Variants in VWF observed in about 807,000 individuals in gnomAD.
VWF encodes von Willebrand factor, also known as Factor VIII related antigen.
In VWF, 176 loss-of-function variants were observed where a neutral mutation model predicts 308.6. The observed-to-expected ratio is 0.57, with a 90% CI of 0.50 to 0.65. The LOEUF is 0.65. Among genes scored for constraint, VWF ranks in the 30% least tolerant of loss-of-function variants. The pLI is 0.00. For synonymous variants in VWF, 1,385 were observed against 1,443.4 expected (o/e 0.96, Z 0.92); for missense variants, 3,146 against 3,648.2 (o/e 0.86, Z 3.55).
chr12:5,987,700 G>A (rs1943694666), intron 38 of VWF, among the ~76,000 whole-genome samples: 1 of 152,248 alleles, frequency 6.6e-6, no homozygotes, highest in South Asian at 2.1e-4. Flanking sequence ...CATCATGGAT[G>A]AATCCCAAAA....
chr12:6,035,528 C>A (rs1223336379), intron 19 of VWF, among the ~76,000 whole-genome samples: 1 of 152,130 alleles, frequency 6.6e-6, no homozygotes, highest in Admixed American at 6.5e-5. Flanking sequence ...AGGCTGTGCA[C>A]AGCCACCAAG....
chr12:5,962,538 C>A (rs370056753), intron 47 of VWF, among the ~76,000 whole-genome samples: 1 of 101,600 alleles, frequency 9.8e-6, no homozygotes, highest in African/African-American at 3.8e-5. Flanking sequence ...ACAGGCAATT[C>A]TTTTTTTTTT....
At chr12:6,061,425 C>G (rs1591893015) in intron 13 of VWF, among the ~76,000 whole-genome samples, 1 of 151,222 alleles carries the variant, frequency 6.6e-6, no homozygotes, top group East Asian at 1.9e-4. Flanking sequence ...ATCTCCCAGA[C>G]CTTCCTGCTT....
chr12:5,991,673 A>G, intron 38 of VWF, 146 bp downstream of exon 38: 2 of 826,340 alleles, frequency 2.4e-6, no homozygotes, highest in East Asian at 2.6e-5. Context: ...AGGCCATTAC[A>G]CAATACTGCC....
chr12:5,993,153 C>G (rs1323793527), intron 37 of VWF, among the ~76,000 whole-genome samples: 1 of 152,116 alleles, frequency 6.6e-6, no homozygotes, highest in African/African-American at 2.4e-5. Context: ...CAGGCATGTA[C>G]ATATTGATTT....
chr12:6,112,584 C>A (rs967022206), intron 3 of VWF, among the ~76,000 whole-genome samples: 2 of 152,154 alleles, frequency 1.3e-5, no homozygotes, highest in African/African-American at 4.8e-5. Flanking sequence ...TAAAAATGAG[C>A]AAATCTCTCT....
intron 5 of VWF, among the ~76,000 whole-genome samples, chr12:6,102,733 C>CA (rs56767737): frequency 1.6e-3 from 175 of 111,582 alleles, no homozygotes; most frequent in Middle Eastern, 5.5e-3. Context: ...GACTCCGTCT[C>CA]AAAAAAAAAA....
rs754853953 is a variant in VWF, at chr12:5,981,833, C to T, written c.7240G>A (p.Ala2414Thr). Residue 2414 changes from alanine (A) to threonine (T), a missense_variant, in exon 42 of 52, where the codon GCC becomes ACC. Ala to Thr is a moderately conservative substitution (Grantham distance 58). Coordinates refer to ENST00000261405, the MANE Select transcript of VWF (RefSeq NM_000552.5). The stretch of plus-strand genomic sequence containing the variant: ...GTGGTACAGCCACAGTCATTGGTGG[C>T]AGTTGAGGCCAAGTACCCAAGGGGA... ...SCPLGYLASTATNDCGCTTTT... is the reference protein window; with the variant it reads ...SCPLGYLASTTTNDCGCTTTT... The T allele has an allele frequency of 6.8e-6, 11 of 1,613,456 alleles. No homozygotes were observed. Among genetic ancestry groups the T allele is most frequent in the Middle Eastern group, 1.6e-4 (1 of 6,080 alleles).
At chr12:6,040,755 T>C (rs576552104) in intron 18 of VWF, among the ~76,000 whole-genome samples, 1 of 152,212 alleles carries the variant, frequency 6.6e-6, no homozygotes, top group Non-Finnish European at 1.5e-5. Flanking sequence ...CTTTGCACGA[T>C]GGCAGGAGCA....
At chr12:6,082,747 A>G (rs1944927746) in intron 6 of VWF, among the ~76,000 whole-genome samples, 1 of 152,192 alleles carries the variant, frequency 6.6e-6, no homozygotes, top group African/African-American at 2.4e-5. Context: ...AGTCTCTCTG[A>G]GCCTGTTCTG....
intron 44 of VWF, among the ~76,000 whole-genome samples, chr12:5,969,805 C>T (rs542351519): frequency 6.6e-6 from 1 of 152,294 alleles, no homozygotes; most frequent in East Asian, 1.9e-4. Flanking sequence ...GGCAGAAGCC[C>T]GGGAAGGCTG....
chr12:6,121,161 G>C lies in VWF; in HGVS notation c.220+13C>G. The C allele has an allele frequency of 6.2e-7, 1 of 1,614,078 alleles. No homozygotes were observed. The highest frequency in any genetic ancestry group is 8.5e-7 in the Non-Finnish European group (1 of 1,180,002). ...CTCCCTCTGAAGTCCTCCCTGCAGT[G>C]CCCAGAACTCACCAATAATCGAGAA... On this transcript the variant is annotated intron_variant, in intron 3 of 51. Coordinates refer to ENST00000261405, the MANE Select transcript of VWF (RefSeq NM_000552.5).
chr12:6,094,495 A>G (rs1433552442), intron 6 of VWF, among the ~76,000 whole-genome samples: 1 of 152,212 alleles, frequency 6.6e-6, no homozygotes, highest in Non-Finnish European at 1.5e-5. Context: ...TGGGGACAAA[A>G]GAGGGCACTG....
chr12:6,035,302 G>A (rs932131998), intron 19 of VWF, among the ~76,000 whole-genome samples: 2 of 152,212 alleles, frequency 1.3e-5, no homozygotes, highest in Non-Finnish European at 2.9e-5. Context: ...ACGCACTTCT[G>A]CCAGGAGCAG....
rs1349580301 is a variant in VWF at position 5,952,531 on chromosome 12, G to A, written c.7987-12C>T. 3 of 1,612,954 alleles carry A rather than the reference G, an allele frequency of 1.9e-6. No homozygotes were observed. The highest frequency in any genetic ancestry group is 1.3e-5 in the African/African-American group (1 of 74,926). On this transcript the variant is annotated splice_polypyrimidine_tract_variant and intron_variant, in intron 48 of 51. Transcript: ENST00000261405. Reference sequence around the variant, plus strand: ...AGCGTCTCATCACGCTGGAAGGAAAGAGGAGTGGGTAAAGTCAGAGACAGT... The same window carrying A: ...AGCGTCTCATCACGCTGGAAGGAAAAAGGAGTGGGTAAAGTCAGAGACAGT...
intron 47 of VWF, among the ~76,000 whole-genome samples, chr12:5,956,922 T>C (rs1242665300): frequency 6.6e-6 from 1 of 152,216 alleles, no homozygotes; most frequent in Non-Finnish European, 1.5e-5. Flanking sequence ...TATAGCAATG[T>C]CCTAGGTCTT....
At chr12:6,100,522 GA>G (rs1945151121) in intron 5 of VWF, among the ~76,000 whole-genome samples, 1 of 151,590 alleles carries the variant, frequency 6.6e-6, no homozygotes, top group South Asian at 2.1e-4. Flanking sequence ...ACTGGATTAA[GA>G]AAATGTGGCA....
At position 6,022,023 on chromosome 12, in the gene VWF, T is replaced by C; in HGVS notation, c.3551A>G (p.Asp1184Gly). ...GTCAACGCAGGTCTGCAAAAGCTCA[T>C]CCAGGATTTTCCCTGCAAAAGAAAG... ...HAHCPPGKIL[D>G]ELLQTCVDPE... Residue 1184 changes from aspartate (D) to glycine (G), a missense_variant, in exon 27 of 52, where the codon GAT (aspartate) becomes GGT (glycine). Asp to Gly is a moderately conservative substitution (Grantham distance 94, BLOSUM62 -1). This residue lies in a region of VWF where 853 missense variants were observed against 1,177.8 expected (regional missense o/e 0.72). Coordinates refer to ENST00000261405, the MANE Select transcript of VWF (RefSeq NM_000552.5). 6.2e-7 allele frequency: 1 copy of C among 1,614,116 alleles called. No individual in the cohort carries two copies. Among genetic ancestry groups the C allele is most frequent in the East Asian group, 2.2e-5 (1 of 44,870 alleles).
At chr12:5,970,306 C>T (rs1943458018) in intron 44 of VWF, among the ~76,000 whole-genome samples, 1 of 152,126 alleles carries the variant, frequency 6.6e-6, no homozygotes, top group Admixed American at 6.5e-5. Flanking sequence ...TTGCCAACAC[C>T]CAAGTCTTTT....
Sources: allele counts gnomAD v4.1 joint callset (sites outside exome capture counted in the v4.1 genomes callset), GRCh38; gene constraint gnomAD v4.1.1; regional missense constraint gnomAD v4.1.1; transcripts MANE v1.5; gene names NCBI Gene and HGNC (gene_info 2026-07-23, HGNC 2026-07-21).